AASS: variants seen among roughly 807,000 people sequenced by gnomAD.
The protein encoded by AASS is alpha-aminoadipic semialdehyde synthase, mitochondrial.
AASS carries 86 observed loss-of-function variants against 105.4 expected under a neutral mutation model. That is an observed-to-expected ratio of 0.82 (90% CI 0.69 to 0.98). The LOEUF (loss-of-function observed/expected upper bound fraction) is 0.98, where lower values mean the gene tolerates loss of function less well. Among genes scored for constraint, AASS ranks in the 50% least tolerant of loss-of-function variants. AASS has a pLI of 0.00. For synonymous variants in AASS, 381 were observed against 394.8 expected (o/e 0.96, Z 0.41); for missense variants, 1,048 against 1,143.2 (o/e 0.92, Z 1.20).
chr7:122,101,770 GA>G (rs543015811), intron 11 of AASS, 90 bp from the exon 12 acceptor site: 587 of 987,834 alleles, frequency 5.9e-4, no homozygotes, highest in Non-Finnish European at 7.2e-4. Context: ...TTAATCAAGG[GA>G]AAAAAATAAT....
chr7:122,112,817 A>C (rs1357590474), intron 11 of AASS, among the ~76,000 whole-genome samples: 1 of 152,220 alleles, frequency 6.6e-6, no homozygotes, highest in African/African-American at 2.4e-5. Context: ...CATAGATGGC[A>C]AAAAATTAAA....
At chr7:122,079,025 CT>C in intron 21 of AASS, 75 bp from the exon 22 acceptor site, 2 of 1,611,720 alleles carry the variant, frequency 1.2e-6, no homozygotes, top group Non-Finnish European at 1.7e-6. Flanking sequence ...AAGGGAGCTC[CT>C]TGAATTTAAT....
At position 122,079,726 on chromosome 7, in the gene AASS, G is replaced by T. The variant is rs1793221253; in HGVS notation, c.2281-14C>A. ...GAGGAGTTGTTTCTGGTTAGAAAAA[G>T]AAATACAATATTTCTAAGTCCCTAA... On this transcript the variant is annotated splice_polypyrimidine_tract_variant and intron_variant, in intron 20 of 23. Coordinates refer to ENST00000417368, the MANE Select transcript of AASS (RefSeq NM_005763.4). 1 of 1,582,002 alleles carries T rather than the reference G, an allele frequency of 6.3e-7. No homozygotes were observed. The highest frequency in any genetic ancestry group is 1.1e-5 in the South Asian group (1 of 90,340).
chr7:122,133,958 A>C, intron 1 of AASS: 1 of 575,248 alleles, frequency 1.7e-6, no homozygotes, highest in Non-Finnish European at 3.1e-6. Flanking sequence ...AAAAGTATAG[A>C]GCAACGTGTG....
chr7:122,077,734 G>A, intron 23 of AASS, 104 bp downstream of exon 23: 2 of 1,421,360 alleles, frequency 1.4e-6, no homozygotes, highest in Non-Finnish European at 2.0e-6. Flanking sequence ...TTCACTTTTA[G>A]TAAATGCCTG....
At chr7:122,102,736 C>T (rs1031248248) in intron 11 of AASS, among the ~76,000 whole-genome samples, 5 of 151,962 alleles carry the variant, frequency 3.3e-5, no homozygotes, top group African/African-American at 4.8e-5. Context: ...AACCTTTACC[C>T]TTGTCTATCT....
chr7:122,100,569 A>G (rs1794379918), intron 13 of AASS, among the ~76,000 whole-genome samples: 1 of 151,854 alleles, frequency 6.6e-6, no homozygotes, highest in South Asian at 2.1e-4. Flanking sequence ...GAACCACTGA[A>G]AAAGAAGATA....
chr7:122,119,997 G>A (rs908847511), intron 4 of AASS, among the ~76,000 whole-genome samples: 6 of 152,150 alleles, frequency 3.9e-5, no homozygotes, highest in Admixed American at 2.0e-4. Flanking sequence ...GTTCAAACTC[G>A]TGTTGTTCAA....
Position 122,133,505 on chromosome 7 carries a change from G to C in AASS, c.210+12C>G. 1 of 1,613,486 alleles carries C rather than the reference G, an allele frequency of 6.2e-7. No homozygotes were observed. The highest frequency in any genetic ancestry group is 1.3e-5 in the African/African-American group (1 of 74,996). On this transcript the variant is annotated intron_variant, in intron 2 of 23. Coordinates refer to ENST00000417368, the MANE Select transcript of AASS (RefSeq NM_005763.4). Reference sequence around the variant, plus strand: ...CATTTTATTCTCACATAAAAATATTGGAAATACTCACCTTATCATGAATGG... The same window carrying C: ...CATTTTATTCTCACATAAAAATATTCGAAATACTCACCTTATCATGAATGG...
intron 2 of AASS, among the ~76,000 whole-genome samples, chr7:122,130,788 C>T (rs1203543432): frequency 6.6e-6 from 1 of 151,928 alleles, no homozygotes; most frequent in Non-Finnish European, 1.5e-5. Context: ...TCTTCAAAAA[C>T]AGTCCATTTT....
chr7:122,117,104 AGTTGCT>A, intron 6 of AASS, 147 bp from the exon 7 acceptor site: 1 of 741,958 alleles, frequency 1.3e-6, no homozygotes, highest in Non-Finnish European at 2.3e-6. Context: ...AATACAGATG[AGTTGCT>A]TACAACCAGC....
chr7:122,143,567 C>G (rs753891039), intron 1 of AASS, among the ~76,000 whole-genome samples: 1 of 151,558 alleles, frequency 6.6e-6, no homozygotes, highest in Non-Finnish European at 1.5e-5. Flanking sequence ...CCAACTTCCA[C>G]CCATCTCCGA....
chr7:122,114,965 G>A lies in AASS; in HGVS notation c.1043+109C>T, dbSNP rs1233574983. The A allele has an allele frequency of 6.2e-6, 9 of 1,450,440 alleles. No individual in the cohort carries two copies. The African/African-American group carries it at 7.0e-5, about 11-fold the overall frequency. The allele number at this position is 1,450,440 out of a possible 1,614,324, so 89.8% of individuals were successfully genotyped here. ...CTGCCAAGAGGTCAAGAAAGATAAG[G>A]CAGAGAAGTAGTCATTAGAAATCAA... On this transcript the variant is annotated intron_variant, in intron 9 of 23. Transcript: ENST00000417368.
At chr7:122,124,182 T>C (rs1795552872) in intron 4 of AASS, among the ~76,000 whole-genome samples, 1 of 152,256 alleles carries the variant, frequency 6.6e-6, no homozygotes, top group African/African-American at 2.4e-5. Flanking sequence ...CTGAATCATT[T>C]TTAATCATTC....
intron 4 of AASS, among the ~76,000 whole-genome samples, chr7:122,123,833 C>T (rs914961823): frequency 6.6e-6 from 1 of 152,172 alleles, no homozygotes; most frequent in Admixed American, 6.5e-5. Flanking sequence ...ATTATAGCAA[C>T]TTAGTATGTA....
chr7:122,079,562 T>G (rs2150507236), intron 21 of AASS, 35 bp downstream of exon 21: 1 of 1,423,806 alleles, frequency 7.0e-7, no homozygotes, highest in Middle Eastern at 1.8e-4. Context: ...ATTGATCCAG[T>G]ATATTTTGCT....
At chr7:122,102,577 CAG>C (rs749520074) in intron 11 of AASS, among the ~76,000 whole-genome samples, 1 of 151,926 alleles carries the variant, frequency 6.6e-6, no homozygotes, top group Non-Finnish European at 1.5e-5. Context: ...GTGCTGGTAA[CAG>C]AGAATTTATT....
chr7:122,112,662 CA>C (rs1308951352), intron 11 of AASS, among the ~76,000 whole-genome samples: 9 of 152,064 alleles, frequency 5.9e-5, no homozygotes, highest in African/African-American at 7.2e-5. Context: ...ATTAGCTAAT[CA>C]ATGATCACAG....
Position 122,079,732 on chromosome 7 carries a change from C to T in AASS, c.2281-20G>A, listed in dbSNP as rs1375716010. 5 of 1,561,798 alleles carry T rather than the reference C, an allele frequency of 3.2e-6. No individual in the cohort carries two copies. In the East Asian group the frequency reaches 6.7e-5, roughly 21 times the overall value. ...TTGTTTCTGGTTAGAAAAAGAAATA[C>T]AATATTTCTAAGTCCCTAACAAATT... On this transcript the variant is annotated intron_variant, in intron 20 of 23. Coordinates refer to ENST00000417368, the MANE Select transcript of AASS (RefSeq NM_005763.4).
Sources: allele counts gnomAD v4.1 joint callset (sites outside exome capture counted in the v4.1 genomes callset), GRCh38; gene constraint gnomAD v4.1.1; transcripts MANE v1.5; gene names NCBI Gene and HGNC (gene_info 2026-07-23, HGNC 2026-07-21).